The following TFEB variants were observed in gnomAD, a reference collection of about 807,000 sequenced individuals.
TFEB encodes the protein T-cell transcription factor EB.
In TFEB, 12 loss-of-function variants were observed where a neutral mutation model predicts 48.0. That is an observed-to-expected ratio of 0.25 (90% confidence interval 0.16 to 0.40). The LOEUF (loss-of-function observed/expected upper bound fraction) is 0.40. TFEB is among the 10% of genes least tolerant of loss of function. TFEB has a pLI of 1.00. For missense variants in TFEB, 509 were observed against 640.3 expected, an observed-to-expected ratio of 0.79 and a Z score of 2.21; for synonymous variants, 244 against 261.4, an observed-to-expected ratio of 0.93 and a Z score of 0.64.
chr6:41,722,904 G>A (rs376034316), intron 1 of TFEB, among the ~76,000 whole-genome samples: 178 of 152,294 alleles, frequency 1.2e-3, no homozygotes, highest in African/African-American at 4.1e-3. Flanking sequence ...GAACTCACAA[G>A]GTGGGCACTA....
At chr6:41,712,930 T>C (rs768449884) in intron 1 of TFEB, among the ~76,000 whole-genome samples, 20 of 152,186 alleles carry the variant, frequency 1.3e-4, no homozygotes, top group Non-Finnish European at 2.8e-4. Flanking sequence ...GAACTTGCTC[T>C]GGTGGCAGGT....
chr6:41,729,956 C>T (rs866456508), intron 1 of TFEB, among the ~76,000 whole-genome samples: 1 of 152,170 alleles, frequency 6.6e-6, no homozygotes, highest in African/African-American at 2.4e-5. Flanking sequence ...GCAGCATTAG[C>T]ATCACTAGAG....
chr6:41,691,009 C>T lies in TFEB; in HGVS notation c.205G>A (p.Val69Met). The T allele has an allele frequency of 6.4e-7, 1 of 1,574,150 alleles. No individual in the cohort carries two copies. The highest frequency in any genetic ancestry group is 8.6e-7 in the Non-Finnish European group (1 of 1,157,506). ...GCCAGAACAGGCCCTACCTTCAACA[C>T]CTCCCCAGGCACAGGTGGTGGCGAC... ...FQSPPPVPGE[V>M]LKVQSYLENP... The change falls in exon 2 of 9, where the codon GTG becomes ATG. Residue 69 changes from valine (V) to methionine (M), a missense_variant. Transcript: ENST00000373033. This position sits in a 1 kb window ranked among gnomAD's most constrained non-coding sequence, Gnocchi z 5.2.
intron 1 of TFEB, among the ~76,000 whole-genome samples, chr6:41,706,875 C>T (rs1333951396): frequency 4.6e-5 from 7 of 152,090 alleles, no homozygotes; most frequent in Non-Finnish European, 7.3e-5. Context: ...CACACACACA[C>T]TTCCAGCCCT....
At position 41,730,251 on chromosome 6, in the gene TFEB, G is replaced by A. The variant is rs936030737; in HGVS notation, c.-23+5099C>T. 1.2e-4 allele frequency among the ~76,000 whole-genome samples: 19 copies of A among 152,290 alleles called. No individual in the cohort carries two copies. The highest frequency in any genetic ancestry group is 5.8e-4 in the East Asian group (3 of 5,188). On this transcript the variant is annotated intron_variant, in intron 1 of 8. Coordinates refer to ENST00000373033, the MANE Select transcript of TFEB (RefSeq NM_001271944.2). This position sits in a 1 kb window ranked among gnomAD's most constrained non-coding sequence, Gnocchi z 4.1. ...CTGCAGTAAGATGGAACAGTGCCCCGGTCTCTCTGAAATGTGTGCCCTGAT... is the reference window on the plus strand; with the variant it reads ...CTGCAGTAAGATGGAACAGTGCCCCAGTCTCTCTGAAATGTGTGCCCTGAT...
Position 41,730,188 on chromosome 6 carries a change from T to C in TFEB, c.-23+5162A>G, listed in dbSNP as rs1771394185. The stretch of plus-strand genomic sequence containing the variant: ...AAGAGATTCAGATGCAATGGTGTTG[T>C]CTAAGAGTTCCGCAGGTGATCATAA... On this transcript the variant is annotated intron_variant, in intron 1 of 8. Coordinates refer to ENST00000373033, the MANE Select transcript of TFEB (RefSeq NM_001271944.2). The surrounding 1 kb of genome is among the most constrained non-coding windows in gnomAD (Gnocchi z 4.1). Among the ~76,000 whole-genome samples, 1 of 152,046 alleles carries C rather than the reference T, an allele frequency of 6.6e-6. No individual in the cohort carries two copies. Among genetic ancestry groups the C allele is most frequent in the African/African-American group, 2.4e-5 (1 of 41,398 alleles).
At chr6:41,709,064 A>G (rs1436464922) in intron 1 of TFEB, among the ~76,000 whole-genome samples, 1 of 152,228 alleles carries the variant, frequency 6.6e-6, no homozygotes. Context: ...TAGGACTAGA[A>G]GCCCAGCATT....
intron 7 of TFEB, 33 bp from the exon 8 acceptor site, chr6:41,686,270 A>G (rs113105248): frequency 3.7e-6 from 6 of 1,612,222 alleles, no homozygotes; most frequent in African/African-American, 1.3e-5. Context: ...TTAGAGGTGC[A>G]TGCTCAGAAG....
rs144944177 is a variant in TFEB at position 41,714,856 on chromosome 6, T to C, written c.-23+20494A>G. ...AGCACTCCAGACCCTGATATACAGG[T>C]TGGCACTCCTCCGGGAGTCCATGCC... On this transcript the variant is annotated intron_variant, in intron 1 of 8. Transcript: ENST00000373033. Among the ~76,000 whole-genome samples the C allele has an allele frequency of 3.6e-3, 544 of 152,160 alleles. 7 individuals carry two copies. Among genetic ancestry groups the C allele is most frequent in the African/African-American group, 0.013 (526 of 41,510 alleles).
At position 41,734,958 on chromosome 6, in the gene TFEB, C is replaced by T; in HGVS notation, c.-23+392G>A. ...CCGTGTCCGGTGGAGGGGGAGTGGG[C>T]GCGGGGCCCGCGCGTCCCTCAAACT... On this transcript the variant is annotated intron_variant, in intron 1 of 8. Transcript: ENST00000373033. This position sits in a 1 kb window ranked among gnomAD's most constrained non-coding sequence, Gnocchi z 4.0. 2.0e-6 allele frequency: 2 copies of T among 985,452 alleles called. No homozygotes were observed. Among genetic ancestry groups the T allele is most frequent in the Non-Finnish European group, 2.4e-6 (2 of 829,984 alleles). 61.0% of individuals were successfully genotyped at this position (985,452 alleles called of 1,614,324 possible).
chr6:41,707,199 C>T (rs1770269672), intron 1 of TFEB, among the ~76,000 whole-genome samples: 1 of 152,212 alleles, frequency 6.6e-6, no homozygotes, highest in African/African-American at 2.4e-5. Flanking sequence ...TGAACCAATC[C>T]TCTCTGTTCT....
chr6:41,702,373 A>G (rs2127457266), intron 1 of TFEB, among the ~76,000 whole-genome samples: 1 of 152,346 alleles, frequency 6.6e-6, no homozygotes, highest in South Asian at 2.1e-4. Flanking sequence ...TTGGTCAGAC[A>G]GAAATGTGAT....
intron 1 of TFEB, among the ~76,000 whole-genome samples, chr6:41,712,492 C>T (rs1230941749): frequency 6.6e-6 from 1 of 152,176 alleles, no homozygotes; most frequent in Non-Finnish European, 1.5e-5. Context: ...CTCTCAGGGC[C>T]TCAGTTTCCT....
At chr6:41,714,037 C>T (rs1770600330) in intron 1 of TFEB, among the ~76,000 whole-genome samples, 1 of 152,250 alleles carries the variant, frequency 6.6e-6, no homozygotes, top group Non-Finnish European at 1.5e-5. Context: ...AGGGCTCCTT[C>T]CTGGTCAGAG....
rs1483127380 is a variant in TFEB at position 41,735,447 on chromosome 6, T to A, written c.-120A>T. ...TGGCCCGCAAGCTGTGCCCGCCACC[T>A]GCTCCCGGCCTGCTCCGGCCCCGTG... On this transcript the variant is annotated 5_prime_UTR_variant, in exon 1 of 9. Coordinates refer to ENST00000373033, the MANE Select transcript of TFEB (RefSeq NM_001271944.2). 9.1e-6 allele frequency: 9 copies of A among 984,810 alleles called. No individual in the cohort carries two copies. The highest frequency in any genetic ancestry group is 6.2e-5 in the Admixed American group (1 of 16,182). The allele number at this position is 984,810 out of a possible 1,614,324, so 61.0% of individuals were successfully genotyped here.
At chr6:41,736,099 A>G (rs759357662), upstream of TFEB, 1 of 1,612,146 alleles carries the variant, frequency 6.2e-7, no homozygotes, top group South Asian at 1.1e-5. Flanking sequence ...ATGACAGTAG[A>G]AGGCAGCCTG....
chr6:41,733,229 G>A, intron 1 of TFEB: 1 of 201,682 alleles, frequency 5.0e-6, no homozygotes, highest in Non-Finnish European at 8.8e-6. Context: ...GTGGGACCCT[G>A]GAAGGGCTCC....
At chr6:41,701,575 T>C (rs1023119185) in intron 1 of TFEB, among the ~76,000 whole-genome samples, 2 of 152,204 alleles carry the variant, frequency 1.3e-5, no homozygotes, top group Non-Finnish European at 2.9e-5. Context: ...AAGGGGCCTC[T>C]GTTCAATCAC....
intron 1 of TFEB, among the ~76,000 whole-genome samples, chr6:41,698,884 A>C (rs1769749532): frequency 2.0e-5 from 3 of 152,246 alleles, no homozygotes; most frequent in South Asian, 2.1e-4. Context: ...ACTAGGAAAC[A>C]GAACAAGGAC....
Sources: allele counts gnomAD v4.1 joint callset (sites outside exome capture counted in the v4.1 genomes callset), GRCh38; gene constraint gnomAD v4.1.1; non-coding constraint Gnocchi (gnomAD v3.1); transcripts MANE v1.5; gene names NCBI Gene and HGNC (gene_info 2026-07-23, HGNC 2026-07-21).